RYR3: variants seen among roughly 807,000 people sequenced by gnomAD.
RYR3 encodes the protein ryanodine receptor 3.
A neutral mutation model predicts 584.3 loss-of-function variants in RYR3; 207 were observed. The observed-to-expected ratio is 0.35, with a 90% CI of 0.32 to 0.40. The LOEUF (loss-of-function observed/expected upper bound fraction) is 0.40, where lower values mean the gene tolerates loss of function less well. Ranked by LOEUF, RYR3 falls within the 10% of genes least tolerant of loss-of-function variation. The probability of loss-of-function intolerance (pLI) is 1.00; values close to 1 mark genes in which losing one functional copy is unlikely to be tolerated. For missense variants in RYR3, 5,616 were observed against 6,089.2 expected (o/e 0.92, Z 2.59); for synonymous variants, 2,416 against 2,248.5 (o/e 1.07, Z -2.11).
intron 36 of RYR3, among the ~76,000 whole-genome samples, chr15:33,667,956 G>A (rs984316518): frequency 6.0e-5 from 9 of 150,920 alleles, no homozygotes; most frequent in South Asian, 2.1e-4. Context: ...CCAGCTACTC[G>A]GCACCCTGAG....
intron 74 of RYR3, among the ~76,000 whole-genome samples, chr15:33,816,247 T>C (rs2076805915): frequency 1.3e-5 from 2 of 152,194 alleles, no homozygotes; most frequent in African/African-American, 2.4e-5. Flanking sequence ...TTATCGGGAG[T>C]GGCTCATGCC....
At chr15:33,344,027 CG>C (rs1376118040) in intron 1 of RYR3, among the ~76,000 whole-genome samples, 1 of 152,120 alleles carries the variant, frequency 6.6e-6, no homozygotes, top group Non-Finnish European at 1.5e-5. Flanking sequence ...GAAATAGTCC[CG>C]AAATGCTGTC....
At chr15:33,382,087 G>A (rs1595911262) in intron 1 of RYR3, among the ~76,000 whole-genome samples, 1 of 152,232 alleles carries the variant, frequency 6.6e-6, no homozygotes, top group Non-Finnish European at 1.5e-5. Context: ...GCCAAAGAGG[G>A]CACTGCAAGC....
chr15:33,671,703 G>A (rs753604573), intron 38 of RYR3, among the ~76,000 whole-genome samples: 8 of 151,654 alleles, frequency 5.3e-5, no homozygotes, highest in Non-Finnish European at 1.0e-4. Context: ...TGTGGTTACC[G>A]CCAAAGGAGA....
At chr15:33,422,871 A>G (rs1475247884) in intron 1 of RYR3, among the ~76,000 whole-genome samples, 1 of 152,184 alleles carries the variant, frequency 6.6e-6, no homozygotes, top group South Asian at 2.1e-4. Flanking sequence ...TCTAGTTCTA[A>G]GCATATTTGC....
intron 31 of RYR3, among the ~76,000 whole-genome samples, chr15:33,651,392 GCTATAA>G (rs2062452814): frequency 1.3e-5 from 2 of 152,208 alleles, no homozygotes. Context: ...CTCTAATAAT[GCTATAA>G]CTCTTTGAAA....
At position 33,311,260 on chromosome 15, in the gene RYR3, C is replaced by T. The variant is rs1270125737; in HGVS notation, c.51+164C>T. ...GCGGACCGGCCACCTACCCGCGGGG[C>T]CGCGAGGGGCTGCGTGGGAAGGGGC... On this transcript the variant is annotated intron_variant, in intron 1 of 103. Coordinates refer to ENST00000634891, the MANE Select transcript of RYR3 (RefSeq NM_001036.6). The surrounding 1 kb of genome is among the most constrained non-coding windows in gnomAD (Gnocchi z 4.4). Among the ~76,000 whole-genome samples, 2 of 152,086 alleles carry T rather than the reference C, an allele frequency of 1.3e-5. No homozygotes were observed. The highest frequency in any genetic ancestry group is 2.1e-4 in the South Asian group (1 of 4,832).
chr15:33,729,804 T>C (rs1412563961), intron 47 of RYR3, among the ~76,000 whole-genome samples: 1 of 152,162 alleles, frequency 6.6e-6, no homozygotes, highest in Non-Finnish European at 1.5e-5. Context: ...TAGTGTTGTT[T>C]TTAGTTATAA....
At chr15:33,628,390 C>A in intron 20 of RYR3, 81 bp from the exon 21 acceptor site, 1 of 956,738 alleles carries the variant, frequency 1.0e-6, no homozygotes, top group Non-Finnish European at 1.6e-6. Context: ...TGTGCCAATT[C>A]AAGTGGGGTG....
intron 64 of RYR3, among the ~76,000 whole-genome samples, chr15:33,775,914 T>C (rs2073966173): frequency 6.6e-6 from 1 of 152,262 alleles, no homozygotes; most frequent in Admixed American, 6.5e-5. Flanking sequence ...GTCTGGAAAG[T>C]ATGTTTCCAT....
Position 33,788,360 on chromosome 15 carries a change from C to T in RYR3, c.9732C>T (p.Thr3244=). Residue 3244 remains threonine, a synonymous_variant, in exon 67 of 104, where the codon ACC becomes ACT. Coordinates refer to ENST00000634891, the MANE Select transcript of RYR3 (RefSeq NM_001036.6). ...TGAAAGCCGATGGCAAAGGGGACAC[C>T]CAGGAGGCAGAACTCCTCATCCTGG... ...EQLKADGKGD[T]QEAELLILDE... is the part of the protein sequence containing the mutation. 6.2e-7 allele frequency: 1 copy of T among 1,613,892 alleles called. No homozygotes were observed. The highest frequency in any genetic ancestry group is 2.2e-5 in the East Asian group (1 of 44,876).
At chr15:33,481,628 C>T (rs2142347831) in intron 2 of RYR3, among the ~76,000 whole-genome samples, 1 of 151,964 alleles carries the variant, frequency 6.6e-6, no homozygotes, top group Admixed American at 6.6e-5. Context: ...TTACAGGCAC[C>T]TGCCACCAGG....
At chr15:33,499,392 CAT>C (rs1310471338) in intron 2 of RYR3, among the ~76,000 whole-genome samples, 1 of 152,048 alleles carries the variant, frequency 6.6e-6, no homozygotes, top group Non-Finnish European at 1.5e-5. Context: ...TGCTTCCTCA[CAT>C]GTTTTCTTAC....
intron 16 of RYR3, among the ~76,000 whole-genome samples, chr15:33,589,152 C>T (rs1432752085): frequency 1.3e-5 from 2 of 152,140 alleles, no homozygotes; most frequent in Non-Finnish European, 2.9e-5. Context: ...AATGGCCATC[C>T]TGACTAGTGT....
intron 10 of RYR3, among the ~76,000 whole-genome samples, chr15:33,558,841 T>G (rs1355037329): frequency 6.6e-6 from 1 of 152,156 alleles, no homozygotes; most frequent in African/African-American, 2.4e-5. Flanking sequence ...CCAAGAGGAA[T>G]GGACACGCCA....
chr15:33,403,007 T>C (rs1363750853), intron 1 of RYR3, among the ~76,000 whole-genome samples: 1 of 152,226 alleles, frequency 6.6e-6, no homozygotes, highest in Non-Finnish European at 1.5e-5. Context: ...GCTAGAGACA[T>C]AGTTATTTAA....
At chr15:33,566,311 C>CT (rs2057712489) in intron 11 of RYR3, among the ~76,000 whole-genome samples, 1 of 152,174 alleles carries the variant, frequency 6.6e-6, no homozygotes, top group Non-Finnish European at 1.5e-5. Context: ...GAGGAAAAGG[C>CT]TTTGAACACA....
In RYR3 at chr15:33,724,200, A is replaced by G. The variant is rs767323885; in HGVS notation, c.6912+24A>G. ...ACGTAAGTGATACAGCTTCCAGAGA[A>G]CAGCTTTGAGAAACCTATGCCAAGA... On this transcript the variant is annotated intron_variant, in intron 45 of 103. Coordinates refer to ENST00000634891, the MANE Select transcript of RYR3 (RefSeq NM_001036.6). The G allele has an allele frequency of 2.9e-5, 39 of 1,349,166 alleles. No homozygotes were observed. In the Middle Eastern group the frequency reaches 1.8e-3, roughly 62 times the overall value. 83.6% of individuals were successfully genotyped at this position (1,349,166 alleles called of 1,614,324 possible). A position where few individuals can be genotyped will look rare whatever the true frequency, so the allele number is the denominator to read the frequency against.
At chr15:33,316,081 C>G (rs370440285) in intron 1 of RYR3, among the ~76,000 whole-genome samples, 31 of 151,822 alleles carry the variant, frequency 2.0e-4, no homozygotes, top group African/African-American at 7.3e-4. Flanking sequence ...ATATTGGTTT[C>G]TCCAGCTCCT....
Sources: allele counts gnomAD v4.1 joint callset (sites outside exome capture counted in the v4.1 genomes callset), GRCh38; gene constraint gnomAD v4.1.1; non-coding constraint Gnocchi (gnomAD v3.1); transcripts MANE v1.5; gene names NCBI Gene and HGNC (gene_info 2026-07-23, HGNC 2026-07-21).